The following PDE1A variants were observed in gnomAD, a reference collection of about 807,000 sequenced individuals.
PDE1A encodes the protein dual specificity calcium/calmodulin-dependent 3',5'-cyclic nucleotide phosphodiesterase 1A.
A neutral mutation model predicts 61.7 loss-of-function variants in PDE1A; 35 were observed. The observed-to-expected ratio is 0.57, with a 90% CI of 0.43 to 0.75. PDE1A has a LOEUF of 0.75. Among genes scored for constraint, PDE1A ranks in the 30% least tolerant of loss-of-function variants. PDE1A has a pLI of 0.00. For synonymous variants in PDE1A, 232 were observed against 213.2 expected, an observed-to-expected ratio of 1.09 and a Z score of -0.77; for missense variants, 597 against 630.6, an observed-to-expected ratio of 0.95 and a Z score of 0.57.
At chr2:182,249,734 C>A (rs1691256225) in intron 2 of PDE1A, among the ~76,000 whole-genome samples, 1 of 56,514 alleles carries the variant, frequency 1.8e-5, no homozygotes, top group East Asian at 5.8e-4. Context: ...CCCCCCAACC[C>A]CCCCCCCAAA....
chr2:182,575,323 T>A, the PDE1A span, among the ~76,000 whole-genome samples: 1 of 151,976 alleles, frequency 6.6e-6, no homozygotes, highest in Non-Finnish European at 1.5e-5. Context: ...GTACACTGAT[T>A]TCATACTGAT....
chr2:182,314,818 T>C (rs35368132), intron 1 of PDE1A, among the ~76,000 whole-genome samples: 105,622 of 151,362 alleles, frequency 0.7, 37,626 homozygotes, highest in Middle Eastern at 0.8. Flanking sequence ...ATACTTTTTA[T>C]GCATGCAATG....
At chr2:182,256,038 C>CTTTTTTTTTTTT (rs755211798) in intron 2 of PDE1A, among the ~76,000 whole-genome samples, 275 of 92,108 alleles carry the variant, frequency 3.0e-3, no homozygotes, top group East Asian at 3.7e-3. Context: ...AGGATGACTT[C>CTTTTTTTTTTTT]TTTTTTTTTT....
At chr2:182,202,188 C>T (rs1428541391) in intron 8 of PDE1A, among the ~76,000 whole-genome samples, 7 of 151,976 alleles carry the variant, frequency 4.6e-5, no homozygotes, top group Non-Finnish European at 1.5e-5. Flanking sequence ...AAAAGTAGTC[C>T]AGTGGGGCCT....
At chr2:182,639,603 G>A in the PDE1A span, among the ~76,000 whole-genome samples, 2 of 151,818 alleles carry the variant, frequency 1.3e-5, no homozygotes, top group South Asian at 2.1e-4. Flanking sequence ...TCATCTAAAT[G>A]AAAATAAAAT....
the PDE1A span, among the ~76,000 whole-genome samples, chr2:182,546,202 G>A: frequency 6.6e-6 from 1 of 152,132 alleles, no homozygotes; most frequent in African/African-American, 2.4e-5. Context: ...GGAGAGAAGG[G>A]GCAGATCAGG....
At chr2:182,144,974 G>C (rs542810425), downstream of PDE1A, among the ~76,000 whole-genome samples, 112 of 152,186 alleles carry the variant, frequency 7.4e-4, no homozygotes, top group African/African-American at 2.6e-3. Context: ...TCTGTTTCCA[G>C]GACTGATCAC....
chr2:182,403,315 A>T lies in PDE1A; in HGVS notation c.53+23263T>A, dbSNP rs538618700. Among the ~76,000 whole-genome samples the T allele has an allele frequency of 7.2e-5, 11 of 152,280 alleles. No individual in the cohort carries two copies. In the South Asian group the frequency reaches 1.7e-3, roughly 23 times the overall value. On this transcript the variant is annotated intron_variant, in intron 1 of 13. Transcript: ENST00000351439. ...AGACTGGATCAAGAAAATGTGGCAC[A>T]TAGGCCAGGCGCGGTGGCTCAAGCC... is the stretch of plus-strand genomic sequence containing the variant.
the PDE1A span, among the ~76,000 whole-genome samples, chr2:182,584,348 G>C: frequency 2.0e-5 from 3 of 152,164 alleles, no homozygotes; most frequent in South Asian, 6.2e-4. Flanking sequence ...ATCTTGCAAG[G>C]AGCCACAAGG....
chr2:182,237,085 G>C (rs1690078521), intron 3 of PDE1A, among the ~76,000 whole-genome samples: 1 of 152,204 alleles, frequency 6.6e-6, no homozygotes, highest in African/African-American at 2.4e-5. Flanking sequence ...TCTGAAAAAT[G>C]ATAGTGAATT....
intron 2 of PDE1A, among the ~76,000 whole-genome samples, chr2:182,258,535 T>C (rs1691994902): frequency 6.6e-6 from 1 of 152,208 alleles, no homozygotes; most frequent in South Asian, 2.1e-4. Flanking sequence ...TAAAGGTATT[T>C]AAAAATTCTG....
the PDE1A span, among the ~76,000 whole-genome samples, chr2:182,696,987 A>C: frequency 2.0e-5 from 3 of 152,170 alleles, no homozygotes; most frequent in African/African-American, 7.2e-5. Context: ...AGTTTTTTCT[A>C]TCTTGAGCTT....
intron 1 of PDE1A, among the ~76,000 whole-genome samples, chr2:182,417,912 G>C (rs1703021003): frequency 6.6e-6 from 1 of 152,158 alleles, no homozygotes; most frequent in Non-Finnish European, 1.5e-5. Flanking sequence ...TTCATTTTGT[G>C]AATCACTGTT....
At chr2:182,658,064 A>C in the PDE1A span, among the ~76,000 whole-genome samples, 54 of 106,520 alleles carry the variant, frequency 5.1e-4, 1 homozygote, top group East Asian at 5.1e-3. Context: ...AAAAAAAAAA[A>C]AAAAAAAACA....
the PDE1A span, among the ~76,000 whole-genome samples, chr2:182,659,997 A>G: frequency 6.6e-6 from 1 of 152,252 alleles, no homozygotes; most frequent in Non-Finnish European, 1.5e-5. Flanking sequence ...AGACATTAGT[A>G]AAACTTTACA....
intron 2 of PDE1A, among the ~76,000 whole-genome samples, chr2:182,432,767 G>T (rs1437209111): frequency 6.6e-6 from 1 of 151,972 alleles, no homozygotes; most frequent in African/African-American, 2.4e-5. Context: ...TGACCTTGAG[G>T]TGGCAGGAAA....
the PDE1A span, among the ~76,000 whole-genome samples, chr2:182,596,709 GGA>G: frequency 2.6e-5 from 4 of 151,610 alleles, no homozygotes; most frequent in African/African-American, 7.3e-5. Flanking sequence ...ATGGATGGAT[GGA>G]TGGATGGGAA....
chr2:182,221,131 C>T (rs1252802588), intron 7 of PDE1A, among the ~76,000 whole-genome samples: 1 of 151,992 alleles, frequency 6.6e-6, no homozygotes, highest in East Asian at 1.9e-4. Context: ...ACCACCTCCT[C>T]CTCCCTCTCC....
At chr2:182,511,588 A>G (rs1418448872) in intron 2 of PDE1A, among the ~76,000 whole-genome samples, 1 of 152,176 alleles carries the variant, frequency 6.6e-6, no homozygotes, top group Non-Finnish European at 1.5e-5. Context: ...GGGAACAGCT[A>G]TAGTGGAGCA....
Sources: gnomAD v4.1 joint callset for allele counts (sites outside exome capture counted in the v4.1 genomes callset) on GRCh38, gnomAD v4.1.1 for gene constraint, MANE v1.5 for transcripts, NCBI Gene and HGNC (gene_info 2026-07-23, HGNC 2026-07-21) for gene names.